The following CCSER1 variants were observed in gnomAD, a reference collection of about 807,000 sequenced individuals.
CCSER1 encodes coiled-coil serine rich protein 1.
A neutral mutation model predicts 82.0 loss-of-function variants in CCSER1; 41 were observed. That is an observed-to-expected ratio of 0.50 (90% CI 0.39 to 0.65). The LOEUF (loss-of-function observed/expected upper bound fraction) is 0.65. Ranked by LOEUF, CCSER1 falls within the 30% of genes least tolerant of loss-of-function variation. The pLI, the probability that CCSER1 is intolerant of heterozygous loss-of-function variation, is 0.00. For missense variants in CCSER1, 1,119 were observed against 1,064.2 expected (o/e 1.05, Z -0.72); for synonymous variants, 414 against 383.9 (o/e 1.08, Z -0.92).
At chr4:91,223,229 C>T (rs1472687111) in intron 10 of CCSER1, among the ~76,000 whole-genome samples, 1 of 151,898 alleles carries the variant, frequency 6.6e-6, no homozygotes, top group African/African-American at 2.4e-5. Context: ...ATAGTGAGTT[C>T]GTATTATTTC....
chr4:91,024,661 G>A (rs942258606), intron 9 of CCSER1, among the ~76,000 whole-genome samples: 6 of 151,992 alleles, frequency 3.9e-5, no homozygotes, highest in African/African-American at 1.4e-4. Flanking sequence ...ATAAAGTACT[G>A]ATTTATTTCA....
At chr4:91,525,721 C>G (rs377476446) in intron 10 of CCSER1, among the ~76,000 whole-genome samples, 4 of 152,046 alleles carry the variant, frequency 2.6e-5, no homozygotes, top group East Asian at 3.9e-4. Flanking sequence ...TCTCTTACTC[C>G]AAGTACACTC....
intron 10 of CCSER1, among the ~76,000 whole-genome samples, chr4:91,546,744 A>G (rs906447816): frequency 6.6e-6 from 1 of 151,722 alleles, no homozygotes; most frequent in African/African-American, 2.4e-5. Context: ...TTGGGCTCTA[A>G]TTTTATTTCT....
intron 10 of CCSER1, among the ~76,000 whole-genome samples, chr4:91,359,101 A>G (rs1749075334): frequency 6.6e-6 from 1 of 152,074 alleles, no homozygotes; most frequent in African/African-American, 2.4e-5. Flanking sequence ...AGGGCTCACA[A>G]CACTAAAGAT....
At chr4:91,016,738 G>A (rs935446481) in intron 9 of CCSER1, among the ~76,000 whole-genome samples, 2 of 151,988 alleles carry the variant, frequency 1.3e-5, no homozygotes, top group African/African-American at 2.4e-5. Context: ...TTCTTTATAT[G>A]CAGATATAAA....
At chr4:91,428,359 A>G (rs1270917742) in intron 10 of CCSER1, among the ~76,000 whole-genome samples, 1 of 152,082 alleles carries the variant, frequency 6.6e-6, no homozygotes, top group African/African-American at 2.4e-5. Context: ...CTTTTTATGG[A>G]CAACATTTAT....
chr4:90,156,732 C>A (rs1471893765), intron 1 of CCSER1, among the ~76,000 whole-genome samples: 1 of 152,072 alleles, frequency 6.6e-6, no homozygotes, highest in Non-Finnish European at 1.5e-5. Flanking sequence ...CTTGGTAGAT[C>A]TTCCTCTATC....
intron 10 of CCSER1, among the ~76,000 whole-genome samples, chr4:91,598,060 G>A (rs1288550263): frequency 6.6e-6 from 1 of 152,104 alleles, no homozygotes; most frequent in African/African-American, 2.4e-5. Flanking sequence ...TTAGATTCTT[G>A]TAGTTACTTG....
chr4:91,009,302 T>A (rs1015005885), intron 9 of CCSER1, among the ~76,000 whole-genome samples: 1 of 152,180 alleles, frequency 6.6e-6, no homozygotes, highest in Non-Finnish European at 1.5e-5. Flanking sequence ...TAGGTTTATA[T>A]CCCGATCATT....
At chr4:90,474,085 G>T (rs570906116) in intron 5 of CCSER1, among the ~76,000 whole-genome samples, 22 of 150,606 alleles carry the variant, frequency 1.5e-4, no homozygotes, top group Non-Finnish European at 2.9e-4. Context: ...AGGTTGCAGT[G>T]AGCCGAGATT....
intron 10 of CCSER1, among the ~76,000 whole-genome samples, chr4:91,113,729 A>T (rs914116117): frequency 1.3e-5 from 2 of 152,244 alleles, no homozygotes; most frequent in Non-Finnish European, 2.9e-5. Context: ...TTTACTAAAC[A>T]TAAAGCAATT....
rs141476563 is a variant in CCSER1 at position 90,854,784 on chromosome 4, A to G, written c.2094+38939A>G. ...TTATAAGATTGCTCCTATGATCTCTAGGCTACTACATTACTGTATAAATCA... is the reference window on the plus strand; with the variant it reads ...TTATAAGATTGCTCCTATGATCTCTGGGCTACTACATTACTGTATAAATCA... On this transcript the variant is annotated intron_variant, in intron 8 of 10. Coordinates refer to ENST00000509176, the MANE Select transcript of CCSER1 (RefSeq NM_001145065.2). 4.5e-4 allele frequency among the ~76,000 whole-genome samples: 69 copies of G among 151,980 alleles called. No individual in the cohort carries two copies. The East Asian group carries it at 0.011, about 24-fold the overall frequency.
intron 10 of CCSER1, among the ~76,000 whole-genome samples, chr4:91,156,052 T>A (rs190691133): frequency 2.2e-4 from 33 of 151,990 alleles, no homozygotes; most frequent in Admixed American, 2.0e-3. Flanking sequence ...TGAGTGAATG[T>A]AATATCTGAG....
chr4:90,179,982 T>C (rs1212442071), intron 1 of CCSER1, among the ~76,000 whole-genome samples: 1 of 152,204 alleles, frequency 6.6e-6, no homozygotes, highest in Admixed American at 6.5e-5. Flanking sequence ...GCACTCCTAA[T>C]GTATGATAGG....
chr4:90,328,955 A>T (rs10025552), intron 3 of CCSER1, among the ~76,000 whole-genome samples: 93,489 of 152,090 alleles, frequency 0.61, 29,877 homozygotes, highest in East Asian at 0.82. Context: ...AAATTAGTGA[A>T]CACAAACACT....
intron 9 of CCSER1, among the ~76,000 whole-genome samples, chr4:90,960,074 T>A (rs1733914017): frequency 6.6e-6 from 1 of 152,192 alleles, no homozygotes; most frequent in African/African-American, 2.4e-5. Flanking sequence ...ATAGCTTTCC[T>A]TTGTAATAAT....
At chr4:90,921,357 G>T (rs1343498709) in intron 8 of CCSER1, among the ~76,000 whole-genome samples, 1 of 151,854 alleles carries the variant, frequency 6.6e-6, no homozygotes, top group Non-Finnish European at 1.5e-5. Context: ...CTCTACATCT[G>T]AATATGGCAC....
Position 90,669,827 on chromosome 4 carries a change from A to G in CCSER1, c.1932+41595A>G, listed in dbSNP as rs148024078. Among the ~76,000 whole-genome samples the G allele has an allele frequency of 4.2e-3, 632 of 152,248 alleles. 9 individuals are homozygous for G. Among genetic ancestry groups the G allele is most frequent in the African/African-American group, 0.015 (619 of 41,568 alleles). On this transcript the variant is annotated intron_variant, in intron 6 of 10. Coordinates refer to ENST00000509176, the MANE Select transcript of CCSER1 (RefSeq NM_001145065.2). ...ACTTACATGCTTTTAATATAAGTTC[A>G]ATGAGAAAAAAGAGCTCTAAAATAT...
intron 7 of CCSER1, among the ~76,000 whole-genome samples, chr4:90,815,514 ATGTGTGTGTGGATGTGTG>A (rs1007958412): frequency 1.1e-4 from 13 of 119,344 alleles, no homozygotes; most frequent in African/African-American, 3.7e-4. Flanking sequence ...GCAAAAACAT[ATGTGTGTGTGGATGTGTG>A]TGTGTGTGTG....
Sources: gnomAD v4.1 joint callset for allele counts (sites outside exome capture counted in the v4.1 genomes callset) on GRCh38, gnomAD v4.1.1 for gene constraint, MANE v1.5 for transcripts, NCBI Gene and HGNC (gene_info 2026-07-23, HGNC 2026-07-21) for gene names.